Variants in STT3B observed in about 807,000 individuals in gnomAD.
The protein encoded by STT3B is dolichyl-diphosphooligosaccharide--protein glycosyltransferase subunit STT3B.
Under a neutral mutation model 96.8 loss-of-function variants are expected in STT3B, and 29 were observed. The ratio of observed to expected loss-of-function variants is 0.30; its 90% confidence interval spans 0.22 to 0.41. The LOEUF (loss-of-function observed/expected upper bound fraction) is 0.41, where lower values mean the gene tolerates loss of function less well. Among genes scored for constraint, STT3B ranks in the 10% least tolerant of loss-of-function variants. The pLI is 1.00. For missense variants in STT3B, 640 were observed against 1,022.3 expected (o/e 0.63, Z 5.10); for synonymous variants, 367 against 360.0 (o/e 1.02, Z -0.22).
intron 1 of STT3B, among the ~76,000 whole-genome samples, chr3:31,565,307 C>A (rs1205729691): frequency 6.6e-6 from 1 of 152,190 alleles, no homozygotes; most frequent in Non-Finnish European, 1.5e-5. Flanking sequence ...TGATAGCAGG[C>A]AGACATTATA....
chr3:31,615,929 A>G lies in STT3B; in HGVS notation c.976+726A>G, dbSNP rs150601011. On this transcript the variant is annotated intron_variant, in intron 6 of 15. Coordinates refer to ENST00000295770, the MANE Select transcript of STT3B (RefSeq NM_178862.3). ...GTATCATGTTTTGTACTTTTTGAGA[A>G]TCCGTTTTTGCGACTACTCCTTTAG... Among the ~76,000 whole-genome samples, 313 of 151,894 alleles carry G rather than the reference A, an allele frequency of 2.1e-3. 1 individual carries two copies. The highest frequency in any genetic ancestry group is 6.8e-3 in the African/African-American group (284 of 41,468).
Position 31,616,147 on chromosome 3 carries a change from T to C in STT3B, c.977-782T>C, listed in dbSNP as rs867615102. 1.1e-4 allele frequency among the ~76,000 whole-genome samples: 17 copies of C among 151,860 alleles called. 1 individual carries two copies. The highest frequency in any genetic ancestry group is 2.4e-4 in the Non-Finnish European group (16 of 67,786). Reference sequence around the variant, plus strand: ...AGGTTTGATGAAGAGTGGACAGTCATGTAGAAATAAGATTGGACAAAGAGA... The same window carrying C: ...AGGTTTGATGAAGAGTGGACAGTCACGTAGAAATAAGATTGGACAAAGAGA... On this transcript the variant is annotated intron_variant, in intron 6 of 15. Coordinates refer to ENST00000295770, the MANE Select transcript of STT3B (RefSeq NM_178862.3).
intron 15 of STT3B, among the ~76,000 whole-genome samples, chr3:31,633,716 T>C (rs1699709326): frequency 6.6e-6 from 1 of 152,130 alleles, no homozygotes; most frequent in Admixed American, 6.5e-5. Flanking sequence ...TCATTGGGGG[T>C]CATTATTGCT....
intron 5 of STT3B, among the ~76,000 whole-genome samples, chr3:31,602,190 T>C (rs1041162620): frequency 6.6e-6 from 1 of 152,174 alleles, no homozygotes; most frequent in Non-Finnish European, 1.5e-5. Flanking sequence ...TGCCTCTCGT[T>C]TAAACAAATA....
intron 3 of STT3B, among the ~76,000 whole-genome samples, chr3:31,592,950 G>A (rs1016741066): frequency 7.9e-5 from 12 of 152,134 alleles, no homozygotes; most frequent in Non-Finnish European, 1.8e-4. Context: ...AAGTGCAAAG[G>A]TGATCACTTC....
chr3:31,566,418 G>C (rs1436880291), intron 1 of STT3B, among the ~76,000 whole-genome samples: 2 of 152,154 alleles, frequency 1.3e-5, no homozygotes, highest in Non-Finnish European at 1.5e-5. Flanking sequence ...CCGCAAAGGA[G>C]TGTGTATGTG....
At chr3:31,563,108 T>G (rs1328398935) in intron 1 of STT3B, among the ~76,000 whole-genome samples, 1 of 152,182 alleles carries the variant, frequency 6.6e-6, no homozygotes, top group Non-Finnish European at 1.5e-5. Context: ...TTTCCCTCTT[T>G]TTCCTTGCTT....
intron 5 of STT3B, among the ~76,000 whole-genome samples, chr3:31,608,168 C>G (rs1699098973): frequency 6.6e-6 from 1 of 152,084 alleles, no homozygotes; most frequent in Non-Finnish European, 1.5e-5. Flanking sequence ...GGTAGGTGAG[C>G]CAAGAGCAGA....
intron 1 of STT3B, among the ~76,000 whole-genome samples, chr3:31,545,601 C>T (rs1446577969): frequency 6.6e-6 from 1 of 152,168 alleles, no homozygotes; most frequent in Admixed American, 6.5e-5. Context: ...AATTTTACAT[C>T]TGGCTGTGTT....
At chr3:31,557,084 G>C (rs1476542982) in intron 1 of STT3B, among the ~76,000 whole-genome samples, 1 of 152,162 alleles carries the variant, frequency 6.6e-6, no homozygotes, top group African/African-American at 2.4e-5. Context: ...TAGAGGTCCA[G>C]TTTCATTTTT....
intron 5 of STT3B, among the ~76,000 whole-genome samples, chr3:31,607,413 G>T (rs1419379682): frequency 6.6e-6 from 1 of 152,110 alleles, no homozygotes; most frequent in Non-Finnish European, 1.5e-5. Context: ...GGGAAATGAT[G>T]CATGGGAGTG....
rs529691701 is a variant in STT3B at position 31,613,818 on chromosome 3, G to C, written c.878-1287G>C. Among the ~76,000 whole-genome samples the C allele has an allele frequency of 2.0e-5, 3 of 152,048 alleles. No homozygotes were observed. In the East Asian group the frequency reaches 5.8e-4, roughly 29 times the overall value. ...TTTGATTACATTTGGGTTTGGGTAC[G>C]TCATAGAGGGTAATTCCATTCCAAC... On this transcript the variant is annotated intron_variant, in intron 5 of 15. Coordinates refer to ENST00000295770, the MANE Select transcript of STT3B (RefSeq NM_178862.3).
At chr3:31,541,665 C>T (rs1697273230) in intron 1 of STT3B, among the ~76,000 whole-genome samples, 2 of 152,064 alleles carry the variant, frequency 1.3e-5, no homozygotes, top group African/African-American at 4.8e-5. Context: ...CAAGCTCCAC[C>T]TCTTGGGTTC....
At chr3:31,559,186 TGTG>T (rs2125443849) in intron 1 of STT3B, among the ~76,000 whole-genome samples, 1 of 129,664 alleles carries the variant, frequency 7.7e-6, no homozygotes, top group South Asian at 2.5e-4. Flanking sequence ...TGTGTGTGTG[TGTG>T]TTGTCTCTTT....
intron 1 of STT3B, among the ~76,000 whole-genome samples, chr3:31,572,581 G>A (rs984153011): frequency 2.6e-5 from 4 of 152,044 alleles, no homozygotes; most frequent in Non-Finnish European, 4.4e-5. Context: ...AATATTCTTG[G>A]CCTGGTGCGA....
In STT3B at chr3:31,625,956, G is replaced by A. The variant is rs749832914; in HGVS notation, c.1902G>A (p.Val634=). Residue 634 remains valine, a splice_region_variant and synonymous_variant, in exon 13 of 16, where the codon GTG becomes GTA. Transcript: ENST00000295770. The stretch of plus-strand genomic sequence containing the variant: ...TCATTTTTTTTTAAATTCTGCAGGT[G>A]GGAAAAGCTATGTCTTCTAATGAAA... ...NTWNNSHIAL[V]GKAMSSNETA... 1 of 1,583,800 alleles carries A rather than the reference G, an allele frequency of 6.3e-7. No individual in the cohort carries two copies. The highest frequency in any genetic ancestry group is 1.2e-5 in the South Asian group (1 of 84,870).
At chr3:31,587,415 A>T (rs904098420) in intron 3 of STT3B, among the ~76,000 whole-genome samples, 1 of 151,860 alleles carries the variant, frequency 6.6e-6, no homozygotes, top group Non-Finnish European at 1.5e-5. Context: ...ATCTTTTTTT[A>T]AAATTTTCAA....
intron 6 of STT3B, among the ~76,000 whole-genome samples, chr3:31,615,729 C>G (rs1240703162): frequency 6.6e-6 from 1 of 151,822 alleles, no homozygotes; most frequent in Non-Finnish European, 1.5e-5. Context: ...TGTCTTTACA[C>G]GTATGCATTA....
intron 1 of STT3B, among the ~76,000 whole-genome samples, chr3:31,534,427 C>T (rs1224800138): frequency 6.6e-6 from 1 of 152,176 alleles, no homozygotes; most frequent in Admixed American, 6.5e-5. Context: ...ATTTTCCCCT[C>T]TGAGAGTATG....
Sources: allele counts gnomAD v4.1 joint callset (sites outside exome capture counted in the v4.1 genomes callset), GRCh38; gene constraint gnomAD v4.1.1; transcripts MANE v1.5; gene names NCBI Gene and HGNC (gene_info 2026-07-23, HGNC 2026-07-21).